Variants in NNT observed in about 807,000 individuals in gnomAD.
NNT encodes NAD(P) transhydrogenase, mitochondrial.
Under a neutral mutation model 104.8 loss-of-function variants are expected in NNT, and 50 were observed. The observed-to-expected ratio is 0.48, with a 90% CI of 0.38 to 0.60. NNT has a LOEUF of 0.60. Among genes scored for constraint, NNT ranks in the 20% least tolerant of loss-of-function variants. NNT has a pLI of 0.00. For missense variants in NNT, 1,131 were observed against 1,330.7 expected (o/e 0.85, Z 2.33); for synonymous variants, 461 against 490.4 (o/e 0.94, Z 0.79).
At chr5:43,656,220 T>C in intron 15 of NNT, 147 bp downstream of exon 15, 1 of 681,008 alleles carries the variant, frequency 1.5e-6, no homozygotes, top group South Asian at 1.9e-5. Context: ...GGTGGGAGGC[T>C]CTCAAGCCCA....
chr5:43,678,993 G>C (rs996354478), intron 19 of NNT, among the ~76,000 whole-genome samples: 4 of 152,094 alleles, frequency 2.6e-5, no homozygotes, highest in Non-Finnish European at 5.9e-5. Flanking sequence ...TTTGTGGTGG[G>C]ACCAGCATTT....
At chr5:43,647,348 G>A (rs1376672786) in intron 10 of NNT, among the ~76,000 whole-genome samples, 1 of 152,108 alleles carries the variant, frequency 6.6e-6, no homozygotes, top group Non-Finnish European at 1.5e-5. Context: ...TTCTCTTTCA[G>A]ATTCATAAGG....
intron 4 of NNT, among the ~76,000 whole-genome samples, chr5:43,617,436 C>T (rs891519692): frequency 1.3e-5 from 2 of 152,104 alleles, no homozygotes; most frequent in African/African-American, 4.8e-5. Flanking sequence ...ACCCAGGGAT[C>T]ACAATTTGAG....
intron 7 of NNT, among the ~76,000 whole-genome samples, chr5:43,631,274 C>T (rs1301656378): frequency 6.6e-6 from 1 of 152,086 alleles, no homozygotes; most frequent in African/African-American, 2.4e-5. Flanking sequence ...AGACAAACCC[C>T]GGACCCAGGA....
chr5:43,707,372 A>C lies in NNT; in HGVS notation c.*2968A>C, dbSNP rs1231652548. 1 of 152,188 alleles carries C rather than the reference A, an allele frequency of 6.6e-6. No homozygotes were observed. Among genetic ancestry groups the C allele is most frequent in the Non-Finnish European group, 1.5e-5 (1 of 68,022 alleles). The allele number at this position is 152,188 out of a possible 1,614,324, so 9.4% of individuals were successfully genotyped here. A position where few individuals can be genotyped will look rare whatever the true frequency, so the allele number is the denominator to read the frequency against. On this transcript the variant is annotated 3_prime_UTR_variant, in exon 22 of 22. Transcript: ENST00000344920. ...ATATACTTAAAAATATGTTATACAC[A>C]ATAAATACATACATTAAAAAATAAG...
intron 17 of NNT, among the ~76,000 whole-genome samples, chr5:43,663,183 A>G (rs947141498): frequency 1.1e-4 from 16 of 152,242 alleles, no homozygotes; most frequent in East Asian, 5.8e-4. Context: ...ATTCAAATTC[A>G]TATTAGTTGT....
chr5:43,614,201 G>A (rs920612237), intron 3 of NNT, among the ~76,000 whole-genome samples: 1 of 152,174 alleles, frequency 6.6e-6, no homozygotes, highest in Non-Finnish European at 1.5e-5. Context: ...CTTACATTTT[G>A]GAAGTGCTAT....
Position 43,694,193 on chromosome 5 carries a change from G to A in NNT, c.2877-5926G>A, listed in dbSNP as rs147136516. 7.0e-4 allele frequency among the ~76,000 whole-genome samples: 107 copies of A among 152,290 alleles called. 5 individuals carry two copies. In the South Asian group the frequency reaches 0.017, roughly 24 times the overall value. ...GGAGCTTTGGGGCCAAGACTGTGGG[G>A]TTTGCTAGATATAAAATCATGTCAT... On this transcript the variant is annotated intron_variant, in intron 19 of 21. Transcript: ENST00000344920.
chr5:43,626,354 G>C (rs1337087356), intron 6 of NNT, among the ~76,000 whole-genome samples: 1 of 152,016 alleles, frequency 6.6e-6, no homozygotes, highest in Non-Finnish European at 1.5e-5. Context: ...CTTTTATAAG[G>C]GGCTTGATCA....
chr5:43,614,855 T>C lies in NNT; in HGVS notation c.382-993T>C, dbSNP rs529141479. Among the ~76,000 whole-genome samples the C allele has an allele frequency of 4.6e-5, 7 of 152,364 alleles. No homozygotes were observed. The East Asian group carries it at 1.3e-3, about 29-fold the overall frequency. ...TAAAAATTTGGCTTTAAAAAATGGA[T>C]GGCCGGGCGCAGTGGCTCACGCCTG... On this transcript the variant is annotated intron_variant, in intron 3 of 21. Transcript: ENST00000344920.
At chr5:43,680,928 T>C (rs1009628191) in intron 19 of NNT, among the ~76,000 whole-genome samples, 1 of 152,094 alleles carries the variant, frequency 6.6e-6, no homozygotes, top group Admixed American at 6.5e-5. Context: ...TTTGGACTGA[T>C]TATATGATAG....
intron 5 of NNT, among the ~76,000 whole-genome samples, 199 bp downstream of exon 5, chr5:43,619,318 G>T (rs1286045118): frequency 6.6e-6 from 1 of 151,954 alleles, no homozygotes; most frequent in Non-Finnish European, 1.5e-5. Flanking sequence ...CTTTCTGAAA[G>T]TTCTAGTCTT....
At chr5:43,635,456 T>A (rs1750883486) in intron 7 of NNT, among the ~76,000 whole-genome samples, 1 of 152,188 alleles carries the variant, frequency 6.6e-6, no homozygotes, top group Non-Finnish European at 1.5e-5. Context: ...GACTTAGTCA[T>A]GTGGCCAAAC....
At chr5:43,679,532 C>A (rs1741592494) in intron 19 of NNT, among the ~76,000 whole-genome samples, 1 of 151,960 alleles carries the variant, frequency 6.6e-6, no homozygotes, top group Non-Finnish European at 1.5e-5. Context: ...TGAAGGAAGG[C>A]AGCATCTTAA....
chr5:43,690,718 T>A (rs1229006186), intron 19 of NNT, among the ~76,000 whole-genome samples: 3 of 152,124 alleles, frequency 2.0e-5, no homozygotes, highest in Non-Finnish European at 2.9e-5. Context: ...TGTCCCAGCT[T>A]CCATAATGGT....
rs1235832379 is a variant in NNT, at chr5:43,633,009, G to T, written c.964+4622G>T. ...GCAAATTTCACCTAAGTTCCAATGAGAATGAAGAGAACTATGGAGCACATG... is the reference window on the plus strand; with the variant it reads ...GCAAATTTCACCTAAGTTCCAATGATAATGAAGAGAACTATGGAGCACATG... On this transcript the variant is annotated intron_variant, in intron 7 of 21. Coordinates refer to ENST00000344920, the MANE Select transcript of NNT (RefSeq NM_182977.3). Among the ~76,000 whole-genome samples, 3 of 152,302 alleles carry T rather than the reference G, an allele frequency of 2.0e-5. No individual in the cohort carries two copies. The East Asian group carries it at 5.8e-4, about 29-fold the overall frequency.
At chr5:43,607,293 C>T (rs1441767787) in intron 1 of NNT, among the ~76,000 whole-genome samples, 3 of 152,240 alleles carry the variant, frequency 2.0e-5, no homozygotes, top group African/African-American at 7.2e-5. Context: ...TAACTGATGA[C>T]ATTCCACCAT....
intron 9 of NNT, among the ~76,000 whole-genome samples, 167 bp downstream of exon 9, chr5:43,644,969 A>G (rs1479798598): frequency 6.6e-6 from 1 of 152,244 alleles, no homozygotes; most frequent in African/African-American, 2.4e-5. Flanking sequence ...GATTTAAAGA[A>G]AAATATTTCA....
chr5:43,622,474 C>G (rs1171729577), intron 5 of NNT, among the ~76,000 whole-genome samples: 1 of 152,138 alleles, frequency 6.6e-6, no homozygotes, highest in Non-Finnish European at 1.5e-5. Flanking sequence ...CACTATGTTG[C>G]TTAGGCTGGT....
Sources: gnomAD v4.1 joint callset for allele counts (sites outside exome capture counted in the v4.1 genomes callset) on GRCh38, gnomAD v4.1.1 for gene constraint, MANE v1.5 for transcripts, NCBI Gene and HGNC (gene_info 2026-07-23, HGNC 2026-07-21) for gene names.